The following SLC22A23 variants were observed in gnomAD, a reference collection of about 807,000 sequenced individuals.
SLC22A23 encodes the protein solute carrier family 22 member 23.
Under a neutral mutation model 61.0 loss-of-function variants are expected in SLC22A23, and 26 were observed. The observed-to-expected ratio is 0.43, with a 90% CI of 0.31 to 0.59. SLC22A23 has a LOEUF of 0.59. Ranked by LOEUF, SLC22A23 falls within the 20% of genes least tolerant of loss-of-function variation. SLC22A23 has a pLI of 0.11. For synonymous variants in SLC22A23, 430 were observed against 413.9 expected (o/e 1.04, Z -0.47); for missense variants, 796 against 934.7 (o/e 0.85, Z 1.94).
chr6:3,305,732 G>A (rs1761928741), intron 4 of SLC22A23, among the ~76,000 whole-genome samples: 1 of 152,158 alleles, frequency 6.6e-6, no homozygotes, highest in African/African-American at 2.4e-5. Context: ...TGGGTAGCTG[G>A]AGCTTCATCT....
chr6:3,434,545 G>A (rs1210934290), intron 1 of SLC22A23, among the ~76,000 whole-genome samples: 1 of 151,474 alleles, frequency 6.6e-6, no homozygotes, highest in South Asian at 2.1e-4. Context: ...GGAGGTGGAG[G>A]TTGCAGCAAG....
chr6:3,405,760 C>T (rs543358653), intron 3 of SLC22A23, among the ~76,000 whole-genome samples: 2 of 152,072 alleles, frequency 1.3e-5, no homozygotes, highest in East Asian at 3.9e-4. Context: ...AAAAGCCATC[C>T]AACACCAGCA....
rs190315132 is a variant in SLC22A23, at chr6:3,299,320, A to G, written c.1083-1102T>C. 4.1e-4 allele frequency among the ~76,000 whole-genome samples: 63 copies of G among 152,308 alleles called. No homozygotes were observed. In the East Asian group the frequency reaches 0.012, roughly 28 times the overall value. On this transcript the variant is annotated intron_variant, in intron 4 of 9. Transcript: ENST00000406686. ...CAATAAATAGTAATAGAATGATTTTACGTTTAAAAAATTACTTCCAAATAT... is the reference window on the plus strand; with the variant it reads ...CAATAAATAGTAATAGAATGATTTTGCGTTTAAAAAATTACTTCCAAATAT...
At chr6:3,426,077 G>C (rs969131764) in intron 1 of SLC22A23, among the ~76,000 whole-genome samples, 36 of 152,112 alleles carry the variant, frequency 2.4e-4, no homozygotes, top group African/African-American at 8.2e-4. Flanking sequence ...AATTTGTCAG[G>C]GGTCTGTGAA....
At chr6:3,289,732 C>T (rs569002583) in intron 6 of SLC22A23, 32 bp downstream of exon 6, 4 of 1,591,762 alleles carry the variant, frequency 2.5e-6, no homozygotes, top group East Asian at 2.2e-5. Flanking sequence ...GGCCCCCTCC[C>T]ACCCAGCTGG....
intron 5 of SLC22A23, chr6:3,290,476 ACATT>A (rs201499896): frequency 0.044 from 6,963 of 156,862 alleles, 531 homozygotes; most frequent in African/African-American, 0.16. Context: ...ATACATGCAC[ACATT>A]CATACGCATG....
chr6:3,371,058 T>C (rs1194311206), intron 3 of SLC22A23, among the ~76,000 whole-genome samples: 2 of 152,238 alleles, frequency 1.3e-5, no homozygotes, highest in Non-Finnish European at 2.9e-5. Flanking sequence ...GTTTATCTGG[T>C]GCCATGGTAA....
chr6:3,408,017 C>T (rs1381382077), intron 3 of SLC22A23, among the ~76,000 whole-genome samples: 4 of 152,194 alleles, frequency 2.6e-5, no homozygotes, highest in Non-Finnish European at 5.9e-5. Context: ...TTTGGCCCAC[C>T]ATCTGTTTCT....
Position 3,456,525 on chromosome 6 carries a change from C to T in SLC22A23, c.35G>A (p.Gly12Asp). The T allele has an allele frequency of 1.0e-6, 1 of 990,200 alleles. No individual in the cohort carries two copies. Among genetic ancestry groups the T allele is most frequent in the Non-Finnish European group, 1.2e-6 (1 of 835,022 alleles). 61.3% of individuals were successfully genotyped at this position (990,200 alleles called of 1,614,324 possible). The change falls in exon 1 of 10, where the codon GGC (glycine) becomes GAC (aspartate). Residue 12 changes from glycine (G) to aspartate (D), a missense_variant. Gly to Asp is a moderately conservative substitution (Grantham distance 94, BLOSUM62 -1). Coordinates refer to ENST00000406686, the MANE Select transcript of SLC22A23 (RefSeq NM_015482.2). This position sits in a 1 kb window ranked among gnomAD's most constrained non-coding sequence, Gnocchi z 7.1. ...CGGGGCCGGCTGCCGCCCAGGCCCG[C>T]CGCCCGCCGCCTCGCGCCGCCGGTC... ...AIDRRREAAG[G>D]GPGRQPAPAE...
intron 3 of SLC22A23, among the ~76,000 whole-genome samples, chr6:3,365,297 G>A (rs1241380058): frequency 6.6e-6 from 1 of 152,208 alleles, no homozygotes; most frequent in East Asian, 1.9e-4. Flanking sequence ...ACTCCAGCCT[G>A]GGTGACAGAG....
chr6:3,396,441 C>T (rs1029319970), intron 3 of SLC22A23, among the ~76,000 whole-genome samples: 1 of 152,098 alleles, frequency 6.6e-6, no homozygotes, highest in African/African-American at 2.4e-5. Flanking sequence ...CCCAGCTACT[C>T]GGGAGGCTGA....
chr6:3,416,797 A>C (rs1263558157), intron 1 of SLC22A23, among the ~76,000 whole-genome samples: 2 of 152,236 alleles, frequency 1.3e-5, no homozygotes, highest in Admixed American at 6.5e-5. Flanking sequence ...ACTCCAGGTC[A>C]GTGGAGACGG....
chr6:3,401,426 A>G (rs879513668), intron 3 of SLC22A23, among the ~76,000 whole-genome samples: 2 of 144,472 alleles, frequency 1.4e-5, no homozygotes, highest in African/African-American at 5.9e-5. Flanking sequence ...CCACAGTAAA[A>G]AAAAAATATA....
chr6:3,296,935 A>G (rs943841605), intron 5 of SLC22A23, among the ~76,000 whole-genome samples: 30 of 152,280 alleles, frequency 2.0e-4, no homozygotes, highest in Admixed American at 7.2e-4. Flanking sequence ...TCCCATCGTA[A>G]ATGGATACCT....
rs190969135 is a variant in SLC22A23, at chr6:3,454,832, T to G, written c.654+1074A>C. 6.6e-6 allele frequency among the ~76,000 whole-genome samples: 1 copy of G among 152,194 alleles called. No homozygotes were observed. Among genetic ancestry groups the G allele is most frequent in the East Asian group, 1.9e-4 (1 of 5,192 alleles). On this transcript the variant is annotated intron_variant, in intron 1 of 9. Coordinates refer to ENST00000406686, the MANE Select transcript of SLC22A23 (RefSeq NM_015482.2). The surrounding 1 kb of genome is among the most constrained non-coding windows in gnomAD (Gnocchi z 4.3). ...TCCATGAGCTACAACTGTTAACCAA[T>G]GCACACGGGGGGAGGAGGTTACATG...
At position 3,387,101 on chromosome 6, in the gene SLC22A23, A is replaced by G. The variant is rs543635112; in HGVS notation, c.913+23087T>C. 1.3e-5 allele frequency among the ~76,000 whole-genome samples: 2 copies of G among 152,374 alleles called. No individual in the cohort carries two copies. Among genetic ancestry groups the G allele is most frequent in the East Asian group, 3.9e-4 (2 of 5,186 alleles). ...GAGGTAAACAGCAGTGTACCTAGCC[A>G]CATGGATTATCTGCCCTTCATAGCT... is the stretch of plus-strand genomic sequence containing the variant. On this transcript the variant is annotated intron_variant, in intron 3 of 9. Transcript: ENST00000406686. This position sits in a 1 kb window ranked among gnomAD's most constrained non-coding sequence, Gnocchi z 5.0.
intron 3 of SLC22A23, among the ~76,000 whole-genome samples, chr6:3,358,633 G>C (rs1460186674): frequency 6.6e-6 from 1 of 152,170 alleles, no homozygotes; most frequent in Non-Finnish European, 1.5e-5. Context: ...AGATGAATAA[G>C]CTCTGGAACT....
Position 3,317,687 on chromosome 6 carries a change from C to T in SLC22A23, c.1082+6147G>A, listed in dbSNP as rs62392948. On this transcript the variant is annotated intron_variant, in intron 4 of 9. Coordinates refer to ENST00000406686, the MANE Select transcript of SLC22A23 (RefSeq NM_015482.2). The surrounding 1 kb of genome is among the most constrained non-coding windows in gnomAD (Gnocchi z 4.4). ...AGATGCATTTCTCTTCAGGCATCTG[C>T]GTCCATCAGTGCAATCACCCAGCGC... 1.3e-3 allele frequency among the ~76,000 whole-genome samples: 199 copies of T among 152,188 alleles called. 2 individuals are homozygous for T. Among genetic ancestry groups the T allele is most frequent in the Non-Finnish European group, 1.7e-3 (117 of 68,032 alleles).
chr6:3,426,030 G>C (rs190330045), intron 1 of SLC22A23, among the ~76,000 whole-genome samples: 24 of 152,238 alleles, frequency 1.6e-4, no homozygotes, highest in African/African-American at 5.8e-4. Context: ...GACAGGCTTC[G>C]GTGTTATTTC....
Sources: gnomAD v4.1 joint callset for allele counts (sites outside exome capture counted in the v4.1 genomes callset) on GRCh38, gnomAD v4.1.1 for gene constraint, Gnocchi (gnomAD v3.1) non-coding constraint, MANE v1.5 for transcripts, NCBI Gene and HGNC (gene_info 2026-07-23, HGNC 2026-07-21) for gene names.